GRID2: variants seen among roughly 807,000 people sequenced by gnomAD.
GRID2 encodes the protein glutamate ionotropic receptor delta type subunit 2, also known as glutamate receptor ionotropic, delta-2.
GRID2 carries 33 observed loss-of-function variants against 114.8 expected under a neutral mutation model. The observed-to-expected ratio is 0.29, with a 90% confidence interval of 0.22 to 0.38. The LOEUF is 0.38. Among genes scored for constraint, GRID2 ranks in the 10% least tolerant of loss-of-function variants. The probability of loss-of-function intolerance (pLI) is 1.00; values close to 1 mark genes in which losing one functional copy is unlikely to be tolerated. For missense variants in GRID2, 1,184 were observed against 1,257.7 expected (o/e 0.94, Z 0.89); for synonymous variants, 505 against 449.9 (o/e 1.12, Z -1.55).
intron 12 of GRID2, among the ~76,000 whole-genome samples, chr4:93,498,851 T>C (rs758480228): frequency 6.6e-6 from 1 of 151,920 alleles, no homozygotes; most frequent in Non-Finnish European, 1.5e-5. Context: ...CTCTGCTTTG[T>C]TCCTGATCTT....
chr4:93,803,148 C>T (rs1734964606), intron 1 of GRID2, among the ~76,000 whole-genome samples: 1 of 152,066 alleles, frequency 6.6e-6, no homozygotes, highest in South Asian at 2.1e-4. Flanking sequence ...CAGGGTTTTC[C>T]TCTGTTTTGA....
At chr4:92,699,525 A>G (rs1331912797) in intron 2 of GRID2, among the ~76,000 whole-genome samples, 1 of 152,214 alleles carries the variant, frequency 6.6e-6, no homozygotes, top group African/African-American at 2.4e-5. Flanking sequence ...AATGGCAGAT[A>G]TTTCTCAAAG....
intron 2 of GRID2, among the ~76,000 whole-genome samples, chr4:92,893,078 C>G (rs1746900796): frequency 6.6e-6 from 1 of 152,076 alleles, no homozygotes; most frequent in Non-Finnish European, 1.5e-5. Context: ...TTCTGGTTTT[C>G]TTTTTCTTGG....
At chr4:93,179,896 T>C (rs1739719507) in intron 4 of GRID2, among the ~76,000 whole-genome samples, 1 of 152,178 alleles carries the variant, frequency 6.6e-6, no homozygotes, top group Admixed American at 6.5e-5. Context: ...CTCACAGTAT[T>C]TTCTAAGGAA....
intron 4 of GRID2, among the ~76,000 whole-genome samples, chr4:93,189,285 G>T (rs1339201899): frequency 6.6e-6 from 1 of 152,102 alleles, no homozygotes; most frequent in Non-Finnish European, 1.5e-5. Context: ...CAAGATCAAG[G>T]TGCCAACAGA....
chr4:93,559,647 C>T (rs965929808), intron 13 of GRID2, among the ~76,000 whole-genome samples: 2 of 152,142 alleles, frequency 1.3e-5, no homozygotes, highest in African/African-American at 4.8e-5. Context: ...TAAATTCGTT[C>T]AACCATTGTG....
intron 7 of GRID2, among the ~76,000 whole-genome samples, chr4:93,232,782 T>C (rs908435594): frequency 2.6e-5 from 4 of 152,108 alleles, no homozygotes; most frequent in Non-Finnish European, 5.9e-5. Context: ...TCTTGATATA[T>C]GTTGATATCT....
At chr4:93,677,494 C>T (rs1376362019) in intron 14 of GRID2, among the ~76,000 whole-genome samples, 3 of 152,126 alleles carry the variant, frequency 2.0e-5, no homozygotes, top group South Asian at 2.1e-4. Flanking sequence ...GGTCCCTGAC[C>T]CCTGACCCCC....
At chr4:92,566,937 C>T (rs922121873) in intron 1 of GRID2, among the ~76,000 whole-genome samples, 6 of 151,978 alleles carry the variant, frequency 3.9e-5, no homozygotes, top group African/African-American at 1.4e-4. Context: ...TGAAGAGCTG[C>T]CCACTCTGGA....
At chr4:93,733,872 G>C (rs1392984398) in intron 14 of GRID2, among the ~76,000 whole-genome samples, 1 of 152,014 alleles carries the variant, frequency 6.6e-6, no homozygotes, top group African/African-American at 2.4e-5. Context: ...CTAAGAGTAG[G>C]AATGCCCCAG....
At chr4:92,943,959 G>A (rs542779479) in intron 2 of GRID2, among the ~76,000 whole-genome samples, 1 of 152,144 alleles carries the variant, frequency 6.6e-6, no homozygotes, top group Non-Finnish European at 1.5e-5. Context: ...TGTCTCAGAG[G>A]GGTACCAGGC....
chr4:92,966,602 A>G (rs1250018089), intron 2 of GRID2, among the ~76,000 whole-genome samples: 1 of 151,868 alleles, frequency 6.6e-6, no homozygotes, highest in African/African-American at 2.4e-5. Context: ...ATGGTGGTGA[A>G]TAAGTCTCAC....
At position 92,646,731 on chromosome 4, in the gene GRID2, C is replaced by T. The variant is rs1414308858; in HGVS notation, c.244+56445C>T. 4.6e-5 allele frequency among the ~76,000 whole-genome samples: 7 copies of T among 152,348 alleles called. No individual in the cohort carries two copies. In the South Asian group the frequency reaches 1.4e-3, roughly 32 times the overall value. ...TTTCATGGTGTCTATTCAATATCTTCATGAACATAAGTATCCTTGAGGGAA... is the reference window on the plus strand; with the variant it reads ...TTTCATGGTGTCTATTCAATATCTTTATGAACATAAGTATCCTTGAGGGAA... On this transcript the variant is annotated intron_variant, in intron 2 of 15. Transcript: ENST00000282020.
chr4:93,365,010 C>T (rs906320071), intron 8 of GRID2, among the ~76,000 whole-genome samples: 10 of 151,956 alleles, frequency 6.6e-5, no homozygotes, highest in Non-Finnish European at 1.5e-4. Context: ...TTTCTTTTCT[C>T]ATATTATCTC....
intron 2 of GRID2, among the ~76,000 whole-genome samples, chr4:93,077,079 C>G (rs1358161457): frequency 6.6e-6 from 1 of 152,110 alleles, no homozygotes; most frequent in Non-Finnish European, 1.5e-5. Flanking sequence ...GGAGAAAGTG[C>G]TGTAAAATCA....
At chr4:93,370,283 C>G (rs1438159589) in intron 8 of GRID2, among the ~76,000 whole-genome samples, 1 of 152,058 alleles carries the variant, frequency 6.6e-6, no homozygotes, top group Non-Finnish European at 1.5e-5. Flanking sequence ...TAAGAGCATG[C>G]AATGCTTCTT....
At chr4:93,238,606 A>G in intron 8 of GRID2, 116 bp downstream of exon 8, 1 of 709,342 alleles carries the variant, frequency 1.4e-6, no homozygotes, top group Non-Finnish European at 2.2e-6. Context: ...TGTGAAAGAG[A>G]AAGCAGGGGG....
chr4:93,453,731 T>C (rs1462759093), intron 10 of GRID2, among the ~76,000 whole-genome samples: 1 of 152,128 alleles, frequency 6.6e-6, no homozygotes, highest in Admixed American at 6.6e-5. Context: ...ATTATCAACA[T>C]GTTGTCAGTA....
intron 7 of GRID2, among the ~76,000 whole-genome samples, chr4:93,233,206 A>C (rs2149504218): frequency 6.6e-6 from 1 of 152,290 alleles, no homozygotes; most frequent in South Asian, 2.1e-4. Flanking sequence ...GGCAGCCAGA[A>C]TAGAGACATG....
Sources: allele counts gnomAD v4.1 joint callset (sites outside exome capture counted in the v4.1 genomes callset), GRCh38; gene constraint gnomAD v4.1.1; transcripts MANE v1.5; gene names NCBI Gene and HGNC (gene_info 2026-07-23, HGNC 2026-07-21).